PNPLA3: variants seen among roughly 807,000 people sequenced by gnomAD.
PNPLA3 encodes the protein 1-acylglycerol-3-phosphate O-acyltransferase PNPLA3.
Under a neutral mutation model 43.1 loss-of-function variants are expected in PNPLA3, and 42 were observed. The observed-to-expected ratio is 0.97, with a 90% CI of 0.76 to 1.26. PNPLA3 has a LOEUF of 1.26. PNPLA3 is among the 50% of genes most tolerant of loss of function. The probability of loss-of-function intolerance (pLI) is 0.00; values close to 1 mark genes in which losing one functional copy is unlikely to be tolerated. For missense variants in PNPLA3, 647 were observed against 621.4 expected (o/e 1.04, Z -0.44); for synonymous variants, 272 against 253.6 (o/e 1.07, Z -0.69).
At position 43,927,145 on chromosome 22, in the gene PNPLA3, G is replaced by A. The variant is rs151264513; in HGVS notation, c.398G>A (p.Arg133Gln). 42 of 1,613,998 alleles carry A rather than the reference G, an allele frequency of 2.6e-5. No homozygotes were observed. The highest frequency in any genetic ancestry group is 1.6e-4 in the Middle Eastern group (1 of 6,082). The change falls in exon 2 of 9, where the codon CGG (arginine) becomes CAG (glutamine). Residue 133 changes from arginine (R) to glutamine (Q), a missense_variant. Coordinates refer to ENST00000216180, the MANE Select transcript of PNPLA3 (RefSeq NM_025225.3). ...DGENVLVSDF[R>Q]SKDEVVDALV... ...GAAAACGTTCTGGTGTCTGACTTTC[G>A]GTCCAAAGACGAAGTCGTGGATGTA...
rs141460550 is a variant in PNPLA3 at position 43,926,785 on chromosome 22, G to C, written c.188-150G>C. ...TCAGTTTTGACGAGCCACATTTCAA[G>C]GGCGTGATAGCCACATGTGGCTCCC... is the stretch of plus-strand genomic sequence containing the variant. On this transcript the variant is annotated intron_variant, in intron 1 of 8. Coordinates refer to ENST00000216180, the MANE Select transcript of PNPLA3 (RefSeq NM_025225.3). 698 of 634,216 alleles carry C rather than the reference G, an allele frequency of 1.1e-3. 8 individuals carry two copies. The East Asian group carries it at 0.017, about 16-fold the overall frequency. 39.3% of individuals were successfully genotyped at this position (634,216 alleles called of 1,614,324 possible). A position where few individuals can be genotyped will look rare whatever the true frequency, so the allele number is the denominator to read the frequency against.
chr22:43,927,378 G>A (rs2049931132), intron 2 of PNPLA3, among the ~76,000 whole-genome samples: 1 of 151,926 alleles, frequency 6.6e-6, no homozygotes, highest in African/African-American at 2.4e-5. Context: ...CATAGTCCCA[G>A]CTACTAGGGA....
intron 6 of PNPLA3, 60 bp from the exon 7 acceptor site, chr22:43,939,933 G>T: frequency 6.2e-7 from 1 of 1,613,180 alleles, no homozygotes; most frequent in Non-Finnish European, 8.5e-7. Context: ...CACCAACAGA[G>T]TAAAGTGGTT....
Position 43,937,076 on chromosome 22 carries a change from C to T in PNPLA3, c.783C>T (p.Gly261=). 6.2e-7 allele frequency: 1 copy of T among 1,613,942 alleles called. No individual in the cohort carries two copies. Among genetic ancestry groups the T allele is most frequent in the South Asian group, 1.1e-5 (1 of 91,088 alleles). The change falls in exon 6 of 9, where the codon GGC becomes GGT. Residue 261 remains glycine (G), a synonymous_variant. Coordinates refer to ENST00000216180, the MANE Select transcript of PNPLA3 (RefSeq NM_025225.3). The stretch of plus-strand genomic sequence containing the variant: ...GCATCTGCAACAGGCCCCAGCCAGG[C>T]CTGAAGTCATCCTCAGAAGGGATGG... ...EKGICNRPQP[G]LKSSSEGMDP...
At chr22:43,941,420 G>A (rs2050030621) in intron 7 of PNPLA3, among the ~76,000 whole-genome samples, 1 of 151,950 alleles carries the variant, frequency 6.6e-6, no homozygotes, top group South Asian at 2.1e-4. Flanking sequence ...TGGCTGCATT[G>A]CTTACTACAG....
Position 43,927,164 on chromosome 22 carries a change from G to A in PNPLA3, c.417G>A (p.Val139=). 1.9e-6 allele frequency: 3 copies of A among 1,613,744 alleles called. No individual in the cohort carries two copies. In the East Asian group the frequency reaches 6.7e-5, roughly 36 times the overall value. Residue 139 remains valine (V), a synonymous_variant, in exon 2 of 9, where the codon GTG becomes GTA. Transcript: ENST00000216180. ...VSDFRSKDEV[V]DALVCSCFIP... ...ACTTTCGGTCCAAAGACGAAGTCGT[G>A]GATGTAAGCAGTTTGCTTATCTGGA...
In PNPLA3 at chr22:43,923,990, C is replaced by T. The variant is rs756992028; in HGVS notation, c.79C>T (p.Arg27Cys). ...GGGCTTCTACCACGTCGGGGCGACCCGCTGCCTGAGCGAGCACGCCCCGCA... is the reference window on the plus strand; with the variant it reads ...GGGCTTCTACCACGTCGGGGCGACCTGCTGCCTGAGCGAGCACGCCCCGCA... ...FLGFYHVGAT[R>C]CLSEHAPHLL... Residue 27 changes from arginine to cysteine, a missense_variant, in exon 1 of 9, where the codon CGC becomes TGC. Physicochemically the swap from Arg to Cys is radical, Grantham distance 180 (BLOSUM62 -3). Transcript: ENST00000216180. The T allele has an allele frequency of 2.0e-5, 32 of 1,584,694 alleles. No individual in the cohort carries two copies. The highest frequency in any genetic ancestry group is 3.4e-5 in the Admixed American group (2 of 58,906).
At chr22:43,929,193 T>C (rs1399581921) in intron 3 of PNPLA3, among the ~76,000 whole-genome samples, 1 of 152,184 alleles carries the variant, frequency 6.6e-6, no homozygotes, top group African/African-American at 2.4e-5. Flanking sequence ...TATATGATGT[T>C]GGCCAGGCGC....
chr22:43,928,522 A>G (rs2049939789), intron 2 of PNPLA3, among the ~76,000 whole-genome samples: 1 of 151,862 alleles, frequency 6.6e-6, no homozygotes, highest in South Asian at 2.1e-4. Context: ...CTTTCAGTCC[A>G]TGAGCCAACA....
chr22:43,929,228 C>A (rs911978247), intron 3 of PNPLA3, among the ~76,000 whole-genome samples: 3 of 152,104 alleles, frequency 2.0e-5, no homozygotes, highest in African/African-American at 7.2e-5. Context: ...GTAATCCCAG[C>A]ACTTTGGGAG....
chr22:43,926,851 C>A, intron 1 of PNPLA3, 84 bp from the exon 2 acceptor site: 1 of 1,159,968 alleles, frequency 8.6e-7, no homozygotes, highest in Non-Finnish European at 1.3e-6. Flanking sequence ...TGGTGGCATC[C>A]TTGCTGTCTG....
At chr22:43,929,001 G>A (rs899395698) in intron 3 of PNPLA3, 112 bp downstream of exon 3, 1 of 1,083,604 alleles carries the variant, frequency 9.2e-7, no homozygotes, top group Non-Finnish European at 1.4e-6. Flanking sequence ...GTCCCATGGT[G>A]GAGCCCCATG....
At chr22:43,939,873 C>A in intron 6 of PNPLA3, 120 bp from the exon 7 acceptor site, 2 of 1,398,470 alleles carry the variant, frequency 1.4e-6, no homozygotes, top group African/African-American at 1.4e-5. Flanking sequence ...TTTGTGAGTG[C>A]CTCTGACCCT....
At position 43,934,771 on chromosome 22, in the gene PNPLA3, C is replaced by T. The variant is rs111439715; in HGVS notation, c.757+105C>T. 197 of 1,066,686 alleles carry T rather than the reference C, an allele frequency of 1.8e-4. No individual in the cohort carries two copies. The African/African-American group carries it at 2.5e-3, about 14-fold the overall frequency. 66.1% of individuals were successfully genotyped at this position (1,066,686 alleles called of 1,614,324 possible). A position where few individuals can be genotyped will look rare whatever the true frequency, so the allele number is the denominator to read the frequency against. Reference sequence around the variant, plus strand: ...CTTAGTTCTAACACTTAGTGCCCAACGCCTTCCTTGTGTTGCTCAACCTAC... The same window carrying T: ...CTTAGTTCTAACACTTAGTGCCCAATGCCTTCCTTGTGTTGCTCAACCTAC... On this transcript the variant is annotated intron_variant, in intron 5 of 8. Transcript: ENST00000216180.
chr22:43,946,368 G>C lies in PNPLA3; in HGVS notation c.1432G>C (p.Glu478Gln). ...GLSTFPSFSL[E>Q]KSL ...CTCCACCTTTCCCAGTTTTTCACTA[G>C]AGAAGAGTCTGTGAGTCACTTGAGG... Residue 478 changes from glutamate to glutamine, a missense_variant, in exon 9 of 9, where the codon GAG becomes CAG. Coordinates refer to ENST00000216180, the MANE Select transcript of PNPLA3 (RefSeq NM_025225.3). The C allele has an allele frequency of 6.2e-7, 1 of 1,614,072 alleles. No individual in the cohort carries two copies. The highest frequency in any genetic ancestry group is 8.5e-7 in the Non-Finnish European group (1 of 1,179,948).
In PNPLA3 at chr22:43,928,815, C is replaced by G. The variant is rs2049942272; in HGVS notation, c.421-9C>G. ...TCGCCTATAACTTCTCTCTCCTTTG[C>G]TTTCACAGGCCTTGGTATGTTCCTG... is the stretch of plus-strand genomic sequence containing the variant. On this transcript the variant is annotated splice_polypyrimidine_tract_variant and intron_variant, in intron 2 of 8. Transcript: ENST00000216180. 2 of 1,605,612 alleles carry G rather than the reference C, an allele frequency of 1.2e-6. No homozygotes were observed. Among genetic ancestry groups the G allele is most frequent in the Admixed American group, 1.7e-5 (1 of 59,914 alleles).
intron 5 of PNPLA3, among the ~76,000 whole-genome samples, chr22:43,935,664 G>C (rs1039589341): frequency 2.0e-5 from 3 of 152,102 alleles, no homozygotes; most frequent in African/African-American, 7.2e-5. Flanking sequence ...GCAACTGGAG[G>C]GGTGGGGATG....
At position 43,946,899 on chromosome 22, in the gene PNPLA3, C is replaced by T. The variant is rs1367727370; in HGVS notation, c.*517C>T. 3.0e-6 allele frequency: 1 copy of T among 328,008 alleles called. No homozygotes were observed. The highest frequency in any genetic ancestry group is 6.0e-6 in the Non-Finnish European group (1 of 166,230). 20.3% of individuals were successfully genotyped at this position (328,008 alleles called of 1,614,324 possible). Reference sequence around the variant, plus strand: ...ATAACCTTGACTACTAAAAACGTCTCCATGGCGGGGGTAACAAGATGATAA... The same window carrying T: ...ATAACCTTGACTACTAAAAACGTCTTCATGGCGGGGGTAACAAGATGATAA... On this transcript the variant is annotated 3_prime_UTR_variant, in exon 9 of 9. Coordinates refer to ENST00000216180, the MANE Select transcript of PNPLA3 (RefSeq NM_025225.3).
intron 1 of PNPLA3, among the ~76,000 whole-genome samples, chr22:43,925,165 T>C (rs73888491): frequency 0.015 from 2,307 of 152,100 alleles, 68 homozygotes; most frequent in African/African-American, 0.051. Context: ...CCCATCCTCT[T>C]CTCTAGTTTC....
Sources: gnomAD v4.1 joint callset for allele counts (sites outside exome capture counted in the v4.1 genomes callset) on GRCh38, gnomAD v4.1.1 for gene constraint, MANE v1.5 for transcripts, NCBI Gene and HGNC (gene_info 2026-07-23, HGNC 2026-07-21) for gene names.